ARHGAP44: variants seen among roughly 807,000 people sequenced by gnomAD.
ARHGAP44 encodes the protein rho GTPase-activating protein 44.
In ARHGAP44, 43 loss-of-function variants were observed where a neutral mutation model predicts 106.8. The observed-to-expected ratio is 0.40, with a 90% CI of 0.32 to 0.52. The LOEUF (loss-of-function observed/expected upper bound fraction) is 0.52, where lower values mean the gene tolerates loss of function less well. ARHGAP44 is among the 20% of genes least tolerant of loss of function. The pLI is 0.48. For missense variants in ARHGAP44, 866 were observed against 1,050.5 expected, an observed-to-expected ratio of 0.82 and a Z score of 2.43; for synonymous variants, 439 against 410.3, an observed-to-expected ratio of 1.07 and a Z score of -0.85.
chr17:12,911,682 C>G (rs1219706527), intron 4 of ARHGAP44, among the ~76,000 whole-genome samples: 1 of 152,168 alleles, frequency 6.6e-6, no homozygotes, highest in African/African-American at 2.4e-5. Flanking sequence ...CCCGCCTGAG[C>G]AGAATTCTCT....
intron 5 of ARHGAP44, among the ~76,000 whole-genome samples, chr17:12,916,934 T>C (rs1029265410): frequency 2.4e-4 from 36 of 152,200 alleles, no homozygotes; most frequent in Non-Finnish European, 4.0e-4. Context: ...CTGAAATATT[T>C]TGAGCACCAA....
chr17:12,815,649 A>G (rs2034577601), intron 1 of ARHGAP44, among the ~76,000 whole-genome samples: 1 of 152,202 alleles, frequency 6.6e-6, no homozygotes, highest in Non-Finnish European at 1.5e-5. Flanking sequence ...ACTAGAACCT[A>G]GTGGAATCCA....
rs959869053 is a variant in ARHGAP44, at chr17:12,949,039, G to C, written c.862-101G>C. ...GGGAGATGGTGTTGGGCAAATGCAT[G>C]TAAGAGGTTTTGGAGAAAAGAAGCA... is the stretch of plus-strand genomic sequence containing the variant. On this transcript the variant is annotated intron_variant, in intron 10 of 20. Transcript: ENST00000379672. The surrounding 1 kb of genome is among the most constrained non-coding windows in gnomAD (Gnocchi z 4.1). The C allele has an allele frequency of 6.0e-6, 7 of 1,162,550 alleles. No individual in the cohort carries two copies. The Admixed American group carries it at 8.0e-5, about 13-fold the overall frequency. The allele number at this position is 1,162,550 out of a possible 1,614,324, so 72.0% of individuals were successfully genotyped here. A position where few individuals can be genotyped will look rare whatever the true frequency, so the allele number is the denominator to read the frequency against.
chr17:12,976,147 T>C (rs1271863789), intron 18 of ARHGAP44, among the ~76,000 whole-genome samples: 3 of 152,106 alleles, frequency 2.0e-5, no homozygotes, highest in Non-Finnish European at 4.4e-5. Context: ...TTGGAGACTT[T>C]GGGAAGCTGA....
At chr17:12,906,384 C>A (rs1197855176) in intron 3 of ARHGAP44, among the ~76,000 whole-genome samples, 4 of 152,158 alleles carry the variant, frequency 2.6e-5, no homozygotes, top group Non-Finnish European at 4.4e-5. Context: ...CTCAGTCCTA[C>A]AAGACTGCCC....
At chr17:12,904,402 G>A (rs975598362) in intron 3 of ARHGAP44, among the ~76,000 whole-genome samples, 53 of 152,114 alleles carry the variant, frequency 3.5e-4, no homozygotes, top group Middle Eastern at 3.4e-3. Context: ...CACGGTGCCC[G>A]GCCAATTTCT....
chr17:12,981,454 A>G (rs1278411948), intron 19 of ARHGAP44, among the ~76,000 whole-genome samples: 7 of 151,478 alleles, frequency 4.6e-5, no homozygotes, highest in Admixed American at 6.6e-5. Flanking sequence ...CTGGAGTGCA[A>G]TGGCACAATC....
intron 1 of ARHGAP44, among the ~76,000 whole-genome samples, chr17:12,841,962 A>T (rs2035421572): frequency 6.6e-6 from 1 of 152,126 alleles, no homozygotes; most frequent in African/African-American, 2.4e-5. Context: ...AAGCCAAGGA[A>T]ATTCAAAACA....
intron 1 of ARHGAP44, among the ~76,000 whole-genome samples, chr17:12,880,054 T>C (rs2036680029): frequency 6.6e-6 from 1 of 152,114 alleles, no homozygotes. Flanking sequence ...TGAGGGCTTG[T>C]GTGTCTGTGT....
intron 1 of ARHGAP44, among the ~76,000 whole-genome samples, chr17:12,861,679 C>CCCCCAG (rs57280683): frequency 7.9e-6 from 1 of 126,530 alleles, no homozygotes; most frequent in African/African-American, 2.8e-5. Flanking sequence ...CTTGCTCAGT[C>CCCCCAG]GCTGGAGTGC....
chr17:12,959,075 C>A, intron 16 of ARHGAP44, 178 bp downstream of exon 16: 1 of 716,710 alleles, frequency 1.4e-6, no homozygotes, highest in Middle Eastern at 3.2e-4. Flanking sequence ...TGGCTTGCCG[C>A]CCTTTAGACC....
In ARHGAP44 at chr17:12,789,663, G is replaced by C. The variant is rs557313212; in HGVS notation, c.-176G>C. The C allele has an allele frequency of 4.0e-5, 16 of 395,930 alleles. No individual in the cohort carries two copies. Among genetic ancestry groups the C allele is most frequent in the Non-Finnish European group, 6.9e-5 (16 of 233,456 alleles). 24.5% of individuals were successfully genotyped at this position (395,930 alleles called of 1,614,324 possible). A position where few individuals can be genotyped will look rare whatever the true frequency, so the allele number is the denominator to read the frequency against. ...GGCAGGAGGCGGCGCGGCGGGAGGA[G>C]TAGGCGGCGGCGCCCTCGGGAGGGA... On this transcript the variant is annotated 5_prime_UTR_variant, in exon 1 of 21. Transcript: ENST00000379672.
intron 10 of ARHGAP44, 29 bp downstream of exon 10, chr17:12,944,225 C>A: frequency 6.4e-7 from 1 of 1,565,256 alleles, no homozygotes; most frequent in Non-Finnish European, 8.7e-7. Context: ...ACACGCCGCC[C>A]CGGGCAGGTC....
rs1598173210 is a variant in ARHGAP44, at chr17:12,989,101, C to CCCAAAAAAA, written c.2318-931_2318-930insCCAAAAAAA. On this transcript the variant is annotated intron_variant, in intron 20 of 20. Coordinates refer to ENST00000379672, the MANE Select transcript of ARHGAP44 (RefSeq NM_014859.6). ...GACAAGAGCGAAACTCCACCCCCCCCAAAAAAAAAAAAAAAAAAAAAAAAC... is the reference window on the plus strand; with the variant it reads ...GACAAGAGCGAAACTCCACCCCCCCCCCAAAAAAAAAAAAAAAAAAAAAAAAAAAAAAAC... Among the ~76,000 whole-genome samples, 13 of 45,164 alleles carry CCCAAAAAAA rather than the reference C, an allele frequency of 2.9e-4. 1 individual carries two copies. The highest frequency in any genetic ancestry group is 4.0e-4 in the Non-Finnish European group (10 of 25,212). 29.6% of individuals were successfully genotyped at this position (45,164 alleles called of 152,430 possible). A position where few individuals can be genotyped will look rare whatever the true frequency, so the allele number is the denominator to read the frequency against.
At chr17:12,932,828 T>TAGGAA (rs2038440292) in intron 7 of ARHGAP44, among the ~76,000 whole-genome samples, 1 of 152,184 alleles carries the variant, frequency 6.6e-6, no homozygotes, top group Admixed American at 6.5e-5. Context: ...GGACTCTATG[T>TAGGAA]TTCATTAATC....
intron 10 of ARHGAP44, among the ~76,000 whole-genome samples, chr17:12,945,436 C>A (rs1598097435): frequency 6.6e-6 from 1 of 152,146 alleles, no homozygotes; most frequent in South Asian, 2.1e-4. Context: ...ATCTGATTAG[C>A]CAATCAGTAT....
rs34558300 is a variant in ARHGAP44, at chr17:12,954,063, T to TG, written c.1136+1482_1136+1483insG. Reference sequence around the variant, plus strand: ...CCACCATGCCTGGCTAATTTTTGTGTTTTTTTTTTTTTTTAGTAGAGACGG... The same window carrying TG: ...CCACCATGCCTGGCTAATTTTTGTGTGTTTTTTTTTTTTTTAGTAGAGACGG... On this transcript the variant is annotated intron_variant, in intron 13 of 20. Coordinates refer to ENST00000379672, the MANE Select transcript of ARHGAP44 (RefSeq NM_014859.6). Among the ~76,000 whole-genome samples the TG allele has an allele frequency of 4.6e-5, 3 of 65,264 alleles. No homozygotes were observed. In the East Asian group the frequency reaches 3.0e-3, roughly 65 times the overall value. 42.8% of individuals were successfully genotyped at this position (65,264 alleles called of 152,430 possible). A position where few individuals can be genotyped will look rare whatever the true frequency, so the allele number is the denominator to read the frequency against.
At position 12,789,715 on chromosome 17, in the gene ARHGAP44, G is replaced by T. The variant is rs1221683079; in HGVS notation, c.-124G>T. ...CTGCGCGCGGGCCAGACGGCGCCCG[G>T]AGGCTCCGCAGTGCCGCCGCCGTCG... On this transcript the variant is annotated 5_prime_UTR_variant, in exon 1 of 21. Coordinates refer to ENST00000379672, the MANE Select transcript of ARHGAP44 (RefSeq NM_014859.6). 4 of 850,422 alleles carry T rather than the reference G, an allele frequency of 4.7e-6. No homozygotes were observed. Among genetic ancestry groups the T allele is most frequent in the Admixed American group, 8.8e-5 (2 of 22,856 alleles). 52.7% of individuals were successfully genotyped at this position (850,422 alleles called of 1,614,324 possible). A position where few individuals can be genotyped will look rare whatever the true frequency, so the allele number is the denominator to read the frequency against.
chr17:12,952,422 C>A, intron 12 of ARHGAP44, 79 bp from the exon 13 acceptor site: 4 of 1,173,146 alleles, frequency 3.4e-6, no homozygotes, highest in Non-Finnish European at 3.7e-6. Context: ...TCAAATATTA[C>A]AATGATTGGT....
Sources: gnomAD v4.1 joint callset for allele counts (sites outside exome capture counted in the v4.1 genomes callset) on GRCh38, gnomAD v4.1.1 for gene constraint, Gnocchi (gnomAD v3.1) non-coding constraint, MANE v1.5 for transcripts, NCBI Gene and HGNC (gene_info 2026-07-23, HGNC 2026-07-21) for gene names.